The following TBCD variants were observed in gnomAD, a reference collection of about 807,000 sequenced individuals.
TBCD encodes the protein tubulin folding cofactor D.
In TBCD, 105 loss-of-function variants were observed where a neutral mutation model predicts 169.3. The observed-to-expected ratio is 0.62, with a 90% CI of 0.53 to 0.73. The LOEUF (loss-of-function observed/expected upper bound fraction) is 0.73. TBCD is among the 30% of genes least tolerant of loss of function. The pLI, the probability that TBCD is intolerant of heterozygous loss-of-function variation, is 0.00. For synonymous variants in TBCD, 700 were observed against 643.9 expected, an observed-to-expected ratio of 1.09 and a Z score of -1.32; for missense variants, 1,444 against 1,600.1, an observed-to-expected ratio of 0.90 and a Z score of 1.66.
At chr17:82,938,003 C>G in intron 35 of TBCD, 46 bp from the exon 36 acceptor site, 1 of 1,606,680 alleles carries the variant, frequency 6.2e-7, no homozygotes, top group Non-Finnish European at 8.5e-7. Context: ...TGGGGTTGGC[C>G]TGCGCGGGGT....
In TBCD at chr17:82,831,142, G is replaced by A. The variant is rs1315571791; in HGVS notation, c.1318+16208G>A. 1 of 1,614,096 alleles carries A rather than the reference G, an allele frequency of 6.2e-7. No homozygotes were observed. The highest frequency in any genetic ancestry group is 8.5e-7 in the Non-Finnish European group (1 of 1,180,046). ...GTAGAGTCTTCCCAGTGCGCTGGAG[G>A]CTGCCTTGTTGGAGAGGTCGTACAG... On this transcript the variant is annotated intron_variant, in intron 13 of 38. Coordinates refer to ENST00000355528, the MANE Select transcript of TBCD (RefSeq NM_005993.5). The surrounding 1 kb of genome is among the most constrained non-coding windows in gnomAD (Gnocchi z 4.6).
chr17:82,790,136 C>T lies in TBCD; in HGVS notation c.772-7621C>T, dbSNP rs619712. Among the ~76,000 whole-genome samples, 894 of 152,260 alleles carry T rather than the reference C, an allele frequency of 5.9e-3. 8 individuals are homozygous for T. The highest frequency in any genetic ancestry group is 0.02 in the African/African-American group (847 of 41,548). On this transcript the variant is annotated intron_variant, in intron 7 of 38. Coordinates refer to ENST00000355528, the MANE Select transcript of TBCD (RefSeq NM_005993.5). ...TCATCCTGAGTCTGTCCCGCTCTGC[C>T]GCCTGGTCCAGGTGGGAGCCATTTC... is the stretch of plus-strand genomic sequence containing the variant.
chr17:82,763,898 C>T, intron 2 of TBCD, 67 bp from the exon 3 acceptor site: 1 of 1,380,584 alleles, frequency 7.2e-7, no homozygotes, highest in Non-Finnish European at 1.0e-6. Context: ...AGCCACCACA[C>T]CTGGCCGGCC....
chr17:82,885,918 C>T (rs762394085), intron 15 of TBCD, among the ~76,000 whole-genome samples: 2 of 152,190 alleles, frequency 1.3e-5, no homozygotes, highest in South Asian at 2.1e-4. Flanking sequence ...TTGAGGGCCT[C>T]ATAATTGGGA....
intron 13 of TBCD, among the ~76,000 whole-genome samples, chr17:82,867,923 G>A (rs1463345170): frequency 1.3e-5 from 2 of 152,192 alleles, no homozygotes; most frequent in African/African-American, 4.8e-5. Context: ...GGGCCTTGGA[G>A]AGCACAGGTC....
At chr17:82,773,138 C>T (rs1442587603) in intron 6 of TBCD, among the ~76,000 whole-genome samples, 2 of 152,164 alleles carry the variant, frequency 1.3e-5, no homozygotes, top group African/African-American at 4.8e-5. Flanking sequence ...TTGACATTTT[C>T]CCCCTCTGCA....
At chr17:82,911,154 G>A (rs2060611821) in intron 22 of TBCD, among the ~76,000 whole-genome samples, 1 of 152,222 alleles carries the variant, frequency 6.6e-6, no homozygotes, top group African/African-American at 2.4e-5. Context: ...ACCTCCTGGT[G>A]TTGGAGCCAG....
intron 11 of TBCD, 31 bp from the exon 12 acceptor site, chr17:82,809,676 GC>G (rs1477070473): frequency 5.0e-6 from 8 of 1,606,730 alleles, no homozygotes; most frequent in Non-Finnish European, 5.1e-6. Context: ...GGCTGGTGGT[GC>G]CCCTGACGGA....
intron 22 of TBCD, among the ~76,000 whole-genome samples, chr17:82,911,507 C>G (rs1462267080): frequency 6.6e-6 from 1 of 152,220 alleles, no homozygotes; most frequent in Non-Finnish European, 1.5e-5. Flanking sequence ...GATGGGATAC[C>G]AGTCAGGACT....
intron 15 of TBCD, chr17:82,886,184 G>A (rs112223484): frequency 0.036 from 5,501 of 152,306 alleles, 348 homozygotes; most frequent in African/African-American, 0.13. Flanking sequence ...GGCCGCGGTC[G>A]TCCATCCCAT....
rs60671571 is a variant in TBCD at position 82,797,962 on chromosome 17, C to CTTTTTTTTTTTT, written c.817+181_817+192dup. 8.4e-4 allele frequency among the ~76,000 whole-genome samples: 41 copies of CTTTTTTTTTTTT among 49,042 alleles called. 8 individuals carry two copies. Among genetic ancestry groups the CTTTTTTTTTTTT allele is most frequent in the Admixed American group, 1.6e-3 (5 of 3,058 alleles). 32.2% of individuals were successfully genotyped at this position (49,042 alleles called of 152,430 possible). On this transcript the variant is annotated intron_variant, in intron 8 of 38. Transcript: ENST00000355528. Reference sequence around the variant, plus strand: ...TTTGTTGTGGGTTTTAGTAACTGAACTTTTTTTTTTTTTTTTTTTTTTTTT... The same window carrying CTTTTTTTTTTTT: ...TTTGTTGTGGGTTTTAGTAACTGAACTTTTTTTTTTTTTTTTTTTTTTTTTTTTTTTTTTTTT...
intron 8 of TBCD, 115 bp downstream of exon 8, chr17:82,797,917 T>C (rs1448240531): frequency 2.2e-5 from 14 of 641,990 alleles, no homozygotes; most frequent in Non-Finnish European, 3.3e-5. Context: ...TTGGTATGTT[T>C]GGACACTATC....
At chr17:82,820,187 A>T (rs982701229) in intron 13 of TBCD, among the ~76,000 whole-genome samples, 1 of 152,146 alleles carries the variant, frequency 6.6e-6, no homozygotes, top group Non-Finnish European at 1.5e-5. Flanking sequence ...CATGTTGGCC[A>T]GGCTGGTCTC....
intron 34 of TBCD, 147 bp downstream of exon 34, chr17:82,932,882 T>C (rs1382493603): frequency 1.4e-6 from 1 of 691,238 alleles, no homozygotes; most frequent in Non-Finnish European, 2.5e-6. Flanking sequence ...GTAAATACCG[T>C]CATCACAGCT....
At chr17:82,814,151 G>A (rs1318381220) in intron 12 of TBCD, among the ~76,000 whole-genome samples, 1 of 152,180 alleles carries the variant, frequency 6.6e-6, no homozygotes, top group Non-Finnish European at 1.5e-5. Flanking sequence ...GAAAAATCTT[G>A]AAATGCCAAT....
chr17:82,924,836 C>A, intron 26 of TBCD, 103 bp from the exon 27 acceptor site: 1 of 931,740 alleles, frequency 1.1e-6, no homozygotes, highest in Non-Finnish European at 1.6e-6. Context: ...GCGGCTCCTC[C>A]TTTGTTCACT....
chr17:82,784,848 G>A (rs549733933), intron 7 of TBCD, among the ~76,000 whole-genome samples: 1 of 152,320 alleles, frequency 6.6e-6, no homozygotes, highest in South Asian at 2.1e-4. Flanking sequence ...GGCATGGGGT[G>A]TGGCAACTGC....
chr17:82,836,933 C>G (rs1480018543), intron 13 of TBCD, among the ~76,000 whole-genome samples: 2 of 151,988 alleles, frequency 1.3e-5, no homozygotes, highest in African/African-American at 2.4e-5. Flanking sequence ...GGAGGAAGCC[C>G]CTGGTGGTGA....
chr17:82,854,182 C>A (rs2056057175), intron 13 of TBCD, among the ~76,000 whole-genome samples: 1 of 152,214 alleles, frequency 6.6e-6, no homozygotes, highest in South Asian at 2.1e-4. Flanking sequence ...AGGTTGAGCA[C>A]CCTGAATCCG....
Sources: gnomAD v4.1 joint callset for allele counts (sites outside exome capture counted in the v4.1 genomes callset) on GRCh38, gnomAD v4.1.1 for gene constraint, Gnocchi (gnomAD v3.1) non-coding constraint, MANE v1.5 for transcripts, NCBI Gene and HGNC (gene_info 2026-07-23, HGNC 2026-07-21) for gene names.